The following SGCZ variants were observed in gnomAD, a reference collection of about 807,000 sequenced individuals.
SGCZ encodes sarcoglycan zeta, also known as zeta-sarcoglycan.
A neutral mutation model predicts 41.3 loss-of-function variants in SGCZ; 40 were observed. The ratio of observed to expected loss-of-function variants is 0.97; its 90% CI spans 0.75 to 1.26. SGCZ has a LOEUF of 1.26. Ranked by LOEUF, SGCZ falls within the 50% of genes most tolerant of loss-of-function variation. The pLI is 0.00. For synonymous variants in SGCZ, 206 were observed against 137.5 expected, an observed-to-expected ratio of 1.50 and a Z score of -3.49; for missense variants, 552 against 369.8, an observed-to-expected ratio of 1.49 and a Z score of -4.04.
At chr8:14,615,844 T>C (rs1290325479) in intron 1 of SGCZ, among the ~76,000 whole-genome samples, 2 of 152,186 alleles carry the variant, frequency 1.3e-5, no homozygotes. Context: ...CAAGTGTCAA[T>C]TCTGTTTCAT....
chr8:15,094,541 T>C (rs1806266247), intron 1 of SGCZ, among the ~76,000 whole-genome samples: 1 of 152,118 alleles, frequency 6.6e-6, no homozygotes, highest in Non-Finnish European at 1.5e-5. Context: ...GAATAGCAAA[T>C]TCTATAGTAC....
chr8:14,277,082 A>C (rs750368198), intron 3 of SGCZ, among the ~76,000 whole-genome samples: 1 of 152,154 alleles, frequency 6.6e-6, no homozygotes, highest in Non-Finnish European at 1.5e-5. Flanking sequence ...TTCTTTGTTC[A>C]AGATGCCAAG....
intron 3 of SGCZ, among the ~76,000 whole-genome samples, chr8:14,282,902 T>G (rs1800496597): frequency 7.3e-6 from 1 of 136,298 alleles, no homozygotes; most frequent in Admixed American, 8.5e-5. Context: ...CAGGCTGGAG[T>G]GTAGTGGCGC....
At chr8:14,180,473 G>A (rs910767321) in intron 4 of SGCZ, among the ~76,000 whole-genome samples, 2 of 151,936 alleles carry the variant, frequency 1.3e-5, no homozygotes, top group African/African-American at 2.4e-5. Context: ...TAGAAAGAAC[G>A]TATCCAACAC....
At chr8:15,165,973 C>G (rs999741670) in intron 1 of SGCZ, among the ~76,000 whole-genome samples, 1 of 152,178 alleles carries the variant, frequency 6.6e-6, no homozygotes, top group Non-Finnish European at 1.5e-5. Context: ...AAGGATTTTG[C>G]TTCTTCAACA....
chr8:14,872,030 A>G (rs1199456762), intron 1 of SGCZ, among the ~76,000 whole-genome samples: 2 of 152,090 alleles, frequency 1.3e-5, no homozygotes, highest in Non-Finnish European at 2.9e-5. Context: ...AACATGGAAG[A>G]AGCTGGAAAC....
At chr8:14,263,880 A>T (rs1246155297) in intron 3 of SGCZ, among the ~76,000 whole-genome samples, 4 of 152,206 alleles carry the variant, frequency 2.6e-5, no homozygotes, top group African/African-American at 9.6e-5. Context: ...AGCGAGAGGG[A>T]AGTAATTGCA....
intron 2 of SGCZ, among the ~76,000 whole-genome samples, chr8:14,410,211 C>G (rs1799322022): frequency 6.6e-6 from 1 of 152,052 alleles, no homozygotes; most frequent in South Asian, 2.1e-4. Context: ...TATCCCGAAA[C>G]CATTTCCCTC....
At chr8:14,750,653 G>C (rs572336595) in intron 1 of SGCZ, among the ~76,000 whole-genome samples, 2 of 152,046 alleles carry the variant, frequency 1.3e-5, no homozygotes, top group African/African-American at 2.4e-5. Flanking sequence ...AGGCAATTCA[G>C]AGACATTATG....
At chr8:14,345,039 C>T (rs1352278657) in intron 2 of SGCZ, among the ~76,000 whole-genome samples, 1 of 152,016 alleles carries the variant, frequency 6.6e-6, no homozygotes, top group Non-Finnish European at 1.5e-5. Flanking sequence ...TGTGCATATA[C>T]ACACACAATT....
At chr8:14,638,022 G>A (rs1806890747) in intron 1 of SGCZ, among the ~76,000 whole-genome samples, 1 of 151,766 alleles carries the variant, frequency 6.6e-6, no homozygotes, top group Non-Finnish European at 1.5e-5. Flanking sequence ...ACTAGTCTGA[G>A]GTTATATTTC....
chr8:14,110,471 T>A (rs1296146218), intron 5 of SGCZ, among the ~76,000 whole-genome samples: 1 of 152,148 alleles, frequency 6.6e-6, no homozygotes, highest in Non-Finnish European at 1.5e-5. Context: ...AATTAAAAAC[T>A]GATAGAGGTC....
chr8:14,544,592 G>A (rs549759425), intron 2 of SGCZ, among the ~76,000 whole-genome samples: 1 of 152,106 alleles, frequency 6.6e-6, no homozygotes, highest in African/African-American at 2.4e-5. Flanking sequence ...GGTCGCTATG[G>A]GAATGTCTGT....
intron 1 of SGCZ, among the ~76,000 whole-genome samples, chr8:14,562,642 T>G (rs1804241179): frequency 6.6e-6 from 1 of 151,520 alleles, no homozygotes; most frequent in Admixed American, 6.6e-5. Flanking sequence ...CTAATTGGAG[T>G]GGGATAAACA....
At chr8:14,986,751 A>C (rs1335043711) in intron 1 of SGCZ, among the ~76,000 whole-genome samples, 1 of 152,010 alleles carries the variant, frequency 6.6e-6, no homozygotes, top group Non-Finnish European at 1.5e-5. Flanking sequence ...TTCTCCATGT[A>C]AAAGTGAGCT....
chr8:14,225,330 T>C (rs1806335117), intron 4 of SGCZ, among the ~76,000 whole-genome samples: 5 of 152,086 alleles, frequency 3.3e-5, no homozygotes, highest in Admixed American at 3.3e-4. Context: ...AAGCTGGGTT[T>C]TGAAGGTAAG....
chr8:14,239,113 C>T (rs1304423022), intron 3 of SGCZ, among the ~76,000 whole-genome samples: 3 of 151,840 alleles, frequency 2.0e-5, no homozygotes, highest in African/African-American at 7.3e-5. Context: ...TTACATCATC[C>T]TAATCAAGTG....
At chr8:14,831,193 A>T (rs1802514655) in intron 1 of SGCZ, among the ~76,000 whole-genome samples, 1 of 152,224 alleles carries the variant, frequency 6.6e-6, no homozygotes, top group Non-Finnish European at 1.5e-5. Flanking sequence ...GTTATAGAGT[A>T]CACAGGTCAA....
intron 1 of SGCZ, among the ~76,000 whole-genome samples, chr8:14,963,897 C>A (rs2130855079): frequency 6.6e-6 from 1 of 152,230 alleles, no homozygotes; most frequent in African/African-American, 2.4e-5. Flanking sequence ...TAAAATAAAA[C>A]TTTTCACCTA....
Sources: gnomAD v4.1 joint callset for allele counts (sites outside exome capture counted in the v4.1 genomes callset) on GRCh38, gnomAD v4.1.1 for gene constraint, MANE v1.5 for transcripts, NCBI Gene and HGNC (gene_info 2026-07-23, HGNC 2026-07-21) for gene names.